Variants in ZNF540 observed in about 807,000 individuals in gnomAD.
The protein encoded by ZNF540 is CTD-3064H18.6.
A neutral mutation model predicts 11.8 loss-of-function variants in ZNF540; 3 were observed. That is an observed-to-expected ratio of 0.25 (90% CI 0.12 to 0.65). The LOEUF is 0.65. ZNF540 is among the 30% of genes least tolerant of loss of function. ZNF540 has a pLI of 0.83. For missense variants in ZNF540, 709 were observed against 793.1 expected (o/e 0.89, Z 1.27); for synonymous variants, 247 against 259.0 (o/e 0.95, Z 0.45).
chr19:37,596,325 C>T (rs1237951803), intron 1 of ZNF540, among the ~76,000 whole-genome samples: 1 of 152,186 alleles, frequency 6.6e-6, no homozygotes, highest in African/African-American at 2.4e-5. Flanking sequence ...TTTAAAGAGA[C>T]AGGCTCTCAC....
At position 37,559,324 on chromosome 19, in the gene ZNF540, T is replaced by C. The variant is rs142320495; in HGVS notation, c.-73+7659T>C. ...GGGCATGATCTATTAAAATTTAAAA[T>C]GCACAAATACTTTTGACTTGGCAGT... On this transcript the variant is annotated intron_variant, in intron 1 of 4. Transcript: ENST00000592533. 1.2e-3 allele frequency among the ~76,000 whole-genome samples: 185 copies of C among 152,342 alleles called. 1 individual carries two copies. Among genetic ancestry groups the C allele is most frequent in the Non-Finnish European group, 9.7e-4 (66 of 68,026 alleles).
At chr19:37,603,344 A>T (rs1404740307) in intron 4 of ZNF540, among the ~76,000 whole-genome samples, 1 of 152,290 alleles carries the variant, frequency 6.6e-6, no homozygotes, top group East Asian at 1.9e-4. Flanking sequence ...AAATGATTCT[A>T]TAGAAAGGGG....
At chr19:37,591,175 G>GTATGTC (rs969335215), upstream of ZNF540, among the ~76,000 whole-genome samples, 1 of 152,202 alleles carries the variant, frequency 6.6e-6, no homozygotes, top group Non-Finnish European at 1.5e-5. Context: ...TGCCCAGACA[G>GTATGTC]TGGTCACTGT....
upstream of ZNF540, chr19:37,594,354 C>T (rs1181904480): frequency 6.6e-6 from 1 of 152,420 alleles, no homozygotes; most frequent in Non-Finnish European, 1.5e-5. Flanking sequence ...TGAGCCCACC[C>T]CGCGGCCGCA....
chr19:37,553,011 T>G (rs759712072), intron 1 of ZNF540, among the ~76,000 whole-genome samples: 1 of 4,244 alleles, frequency 2.4e-4, no homozygotes, highest in African/African-American at 3.8e-3. Context: ...TGCATGGTGT[T>G]TTTTTTTTTT....
In ZNF540 at chr19:37,613,357, A is replaced by C. The variant is rs2044148739; in HGVS notation, c.*94A>C. 1.1e-6 allele frequency: 1 copy of C among 903,070 alleles called. No homozygotes were observed. The highest frequency in any genetic ancestry group is 1.7e-5 in the African/African-American group (1 of 59,688). The allele number at this position is 903,070 out of a possible 1,614,324, so 55.9% of individuals were successfully genotyped here. On this transcript the variant is annotated 3_prime_UTR_variant, in exon 5 of 5. Transcript: ENST00000316433. ...TCAATGTGTTGATGTTTTTTTACAC[A>C]TATTAACTTAATAAATGTATGAGTC...
intron 1 of ZNF540, chr19:37,565,459 T>C (rs1022303646): frequency 1.2e-6 from 2 of 1,611,308 alleles, no homozygotes; most frequent in East Asian, 2.2e-5. Context: ...TCTGATGGTA[T>C]GTAAGGTGTG....
chr19:37,612,876 T>C lies in ZNF540; in HGVS notation c.1596T>C (p.Phe532=). 1 of 1,614,112 alleles carries C rather than the reference T, an allele frequency of 6.2e-7. No homozygotes were observed. Among genetic ancestry groups the C allele is most frequent in the Non-Finnish European group, 8.5e-7 (1 of 1,179,996 alleles). ...PYKCKECGKA[F]IRRGNLKEHL... ...AATGTAAAGAATGTGGAAAGGCCTT[T>C]ATTCGTAGAGGGAATCTTAAAGAAC... The change falls in exon 5 of 5, where the codon TTT becomes TTC. Residue 532 remains phenylalanine (F), a synonymous_variant. Transcript: ENST00000316433.
chr19:37,606,897 G>A lies in ZNF540; in HGVS notation c.233-4616G>A, dbSNP rs896315727. On this transcript the variant is annotated intron_variant, in intron 4 of 4. Transcript: ENST00000316433. ...TTGCAGTACAAATATTTTTCATTTTGATGAAGCCAAATGTATCTTTTTTTT... is the reference window on the plus strand; with the variant it reads ...TTGCAGTACAAATATTTTTCATTTTAATGAAGCCAAATGTATCTTTTTTTT... 4.1e-4 allele frequency among the ~76,000 whole-genome samples: 62 copies of A among 151,430 alleles called. 1 individual carries two copies. Among genetic ancestry groups the A allele is most frequent in the Non-Finnish European group, 1.2e-4 (8 of 67,860 alleles).
At chr19:37,574,943 G>A (rs542739919) in intron 1 of ZNF540, among the ~76,000 whole-genome samples, 2 of 152,238 alleles carry the variant, frequency 1.3e-5, no homozygotes, top group African/African-American at 2.4e-5. Context: ...TCCTGAAGAC[G>A]TTCAAACTCT....
At chr19:37,589,783 T>C (rs1296949081) in intron 1 of ZNF540, among the ~76,000 whole-genome samples, 1 of 135,804 alleles carries the variant, frequency 7.4e-6, no homozygotes, top group Admixed American at 8.4e-5. Context: ...AAGAATTGCT[T>C]GAACCCGGGA....
At chr19:37,601,298 C>A in intron 4 of ZNF540, 193 bp downstream of exon 4, 1 of 458,288 alleles carries the variant, frequency 2.2e-6, no homozygotes, top group South Asian at 5.2e-5. Context: ...CTCATCTTGG[C>A]TCCTACTTAC....
intron 4 of ZNF540, among the ~76,000 whole-genome samples, chr19:37,604,989 A>G (rs2044072276): frequency 6.6e-6 from 1 of 152,246 alleles, no homozygotes; most frequent in South Asian, 2.1e-4. Flanking sequence ...TTCTTGCTGA[A>G]TAGTATTTCA....
rs1303029977 is a variant in ZNF540 at position 37,613,726 on chromosome 19, A to G, written c.*463A>G. ...ATAGGAAGATGCAATGGAGATGACAAATTTGGAAAAACCACTCATCACTTA... is the reference window on the plus strand; with the variant it reads ...ATAGGAAGATGCAATGGAGATGACAGATTTGGAAAAACCACTCATCACTTA... On this transcript the variant is annotated 3_prime_UTR_variant, in exon 5 of 5. Transcript: ENST00000316433. 7 of 398,392 alleles carry G rather than the reference A, an allele frequency of 1.8e-5. No homozygotes were observed. The highest frequency in any genetic ancestry group is 3.1e-5 in the Non-Finnish European group (7 of 226,052). The allele number at this position is 398,392 out of a possible 1,614,324, so 24.7% of individuals were successfully genotyped here.
chr19:37,583,076 G>A (rs1223193670), intron 1 of ZNF540, among the ~76,000 whole-genome samples: 1 of 152,138 alleles, frequency 6.6e-6, no homozygotes, highest in Non-Finnish European at 1.5e-5. Context: ...TGGCCTTCTT[G>A]CTGATTCTCA....
At chr19:37,570,169 T>C (rs566398835) in intron 1 of ZNF540, among the ~76,000 whole-genome samples, 3 of 152,216 alleles carry the variant, frequency 2.0e-5, no homozygotes, top group Non-Finnish European at 4.4e-5. Flanking sequence ...CTCTGGGTTA[T>C]CTCAATTACC....
At chr19:37,596,122 G>A (rs553018493) in intron 1 of ZNF540, among the ~76,000 whole-genome samples, 23 of 152,246 alleles carry the variant, frequency 1.5e-4, no homozygotes, top group African/African-American at 5.5e-4. Context: ...ATGACAACCA[G>A]GATGTTGACA....
At chr19:37,568,069 A>G (rs184598855) in intron 1 of ZNF540, among the ~76,000 whole-genome samples, 241 of 152,318 alleles carry the variant, frequency 1.6e-3, no homozygotes, top group Non-Finnish European at 2.7e-3. Flanking sequence ...TATTCCGAAG[A>G]AAGAAGTTGA....
At chr19:37,609,544 T>TG (rs1181036827) in intron 4 of ZNF540, among the ~76,000 whole-genome samples, 1 of 135,894 alleles carries the variant, frequency 7.4e-6, no homozygotes, top group Non-Finnish European at 1.6e-5. Flanking sequence ...GACTCTGTCT[T>TG]GGGGGGCAAA....
Sources: gnomAD v4.1 joint callset for allele counts (sites outside exome capture counted in the v4.1 genomes callset) on GRCh38, gnomAD v4.1.1 for gene constraint, MANE v1.5 for transcripts, NCBI Gene and HGNC (gene_info 2026-07-23, HGNC 2026-07-21) for gene names.